The following SLC25A6 variants were observed in gnomAD, a reference collection of about 807,000 sequenced individuals.
The protein encoded by SLC25A6 is solute carrier family 25 member 6.
A neutral mutation model predicts 25.7 loss-of-function variants in SLC25A6; 9 were observed. That is an observed-to-expected ratio of 0.35 (90% confidence interval 0.21 to 0.61). SLC25A6 has a LOEUF of 0.61. SLC25A6 is among the 20% of genes least tolerant of loss of function. The probability of loss-of-function intolerance (pLI) is 0.76; values close to 1 mark genes in which losing one functional copy is unlikely to be tolerated. For missense variants in SLC25A6, 404 were observed against 440.5 expected, an observed-to-expected ratio of 0.92 and a Z score of 0.74; for synonymous variants, 223 against 197.0, an observed-to-expected ratio of 1.13 and a Z score of -1.11.
At chrX:1,387,250 C>A (rs1271062192) in intron 3 of SLC25A6, 29 bp downstream of exon 3, 4 of 1,607,120 alleles carry the variant, frequency 2.5e-6, no homozygotes. Context: ...CCCTTCCCGG[C>A]AGCAAGGGTC....
At chrX:1,389,820 A>G in intron 1 of SLC25A6, 93 bp from the exon 2 acceptor site, 2 of 1,545,484 alleles carry the variant, frequency 1.3e-6, no homozygotes, top group Non-Finnish European at 1.7e-6. Flanking sequence ...GACACAAGTC[A>G]CTCTTGTTGC....
Position 1,387,272 on chromosome X carries a change from C to A in SLC25A6, c.739+7G>T. The A allele has an allele frequency of 6.2e-7, 1 of 1,610,822 alleles. No homozygotes were observed. Among genetic ancestry groups the A allele is most frequent in the Non-Finnish European group, 8.5e-7 (1 of 1,178,524 alleles). ...CGGCAGCAAGGGTCCCCCGCCCCCC[C>A]GAGTACCTCCTTTGCGCCCGGACTG... On this transcript the variant is annotated splice_region_variant and intron_variant, in intron 3 of 3. Coordinates refer to ENST00000381401, the MANE Select transcript of SLC25A6 (RefSeq NM_001636.4).
chrX:1,386,610 CCTT>C lies in SLC25A6; in HGVS notation c.886_888del (p.Lys296del). ...GGAGGAGGCCGCGGCCCTTAGATCA[CCTT>C]CTTGAGCTCGTCGTACAGGACCAGC... is the stretch of plus-strand genomic sequence containing the variant. On this transcript the variant is annotated inframe_deletion, in exon 4 of 4. Coordinates refer to ENST00000381401, the MANE Select transcript of SLC25A6 (RefSeq NM_001636.4). The C allele has an allele frequency of 6.4e-7, 1 of 1,572,146 alleles. No individual in the cohort carries two copies. Among genetic ancestry groups the C allele is most frequent in the Non-Finnish European group, 8.6e-7 (1 of 1,161,180 alleles).
chrX:1,389,212 T>C (rs769077785), intron 2 of SLC25A6, 29 bp downstream of exon 2: 5 of 1,601,944 alleles, frequency 3.1e-6, no homozygotes, highest in Middle Eastern at 1.8e-4. Flanking sequence ...AGCCCGTCTC[T>C]GGGACTTCGC....
In SLC25A6 at chrX:1,389,503, G is replaced by A; in HGVS notation, c.336C>T (p.Tyr112=). The change falls in exon 2 of 4, where the codon TAC becomes TAT. Residue 112 remains tyrosine, a synonymous_variant. Transcript: ENST00000381401. ...CGCCGGAGGCCAGGTTGCCCGCAAA[G>A]TACCTCCAGAACTGCGTGTGCTTGT... ...GVDKHTQFWR[Y]FAGNLASGGA... is the part of the protein sequence containing the mutation. 2 of 1,614,174 alleles carry A rather than the reference G, an allele frequency of 1.2e-6. No homozygotes were observed. Among genetic ancestry groups the A allele is most frequent in the South Asian group, 2.2e-5 (2 of 91,088 alleles).
At chrX:1,387,157 C>T in intron 3 of SLC25A6, 122 bp downstream of exon 3, 1 of 1,250,650 alleles carries the variant, frequency 8.0e-7, no homozygotes, top group Non-Finnish European at 1.1e-6. Flanking sequence ...CTTTCGGACA[C>T]ACTTGCTTGT....
Position 1,391,990 on chromosome X carries a change from G to A in SLC25A6, c.20C>T (p.Ser7Phe), listed in dbSNP as rs780430035. The change falls in exon 1 of 4, where the codon TCC (serine) becomes TTC (phenylalanine). Residue 7 changes from serine (S) to phenylalanine (F), a missense_variant. Coordinates refer to ENST00000381401, the MANE Select transcript of SLC25A6 (RefSeq NM_001636.4). ...TCCGGCCAAGAAGTCTTTGGCGAAG[G>A]AGATGGCCTGTTCCGTCATGGTGGC... MTEQAISFAKDFLAGGI... is the reference protein window; with the variant it reads MTEQAIFFAKDFLAGGI... The A allele has an allele frequency of 4.4e-6, 7 of 1,608,640 alleles. No homozygotes were observed. Among genetic ancestry groups the A allele is most frequent in the Non-Finnish European group, 5.9e-6 (7 of 1,178,602 alleles).
At position 1,390,476 on chromosome X, in the gene SLC25A6, G is replaced by T. The variant is rs529417853; in HGVS notation, c.112-749C>A. On this transcript the variant is annotated intron_variant, in intron 1 of 3. Coordinates refer to ENST00000381401, the MANE Select transcript of SLC25A6 (RefSeq NM_001636.4). ...GGTGTGGTGGCAGGTGCCTGCTAGGGAGGCTGAGGCAGAATGGCGTGAACC... is the reference window on the plus strand; with the variant it reads ...GGTGTGGTGGCAGGTGCCTGCTAGGTAGGCTGAGGCAGAATGGCGTGAACC... 2.0e-4 allele frequency among the ~76,000 whole-genome samples: 30 copies of T among 152,078 alleles called. No homozygotes were observed. The South Asian group carries it at 6.2e-3, about 32-fold the overall frequency.
intron 1 of SLC25A6, 151 bp downstream of exon 1, chrX:1,391,748 G>T (rs1228212984): frequency 9.9e-5 from 59 of 595,932 alleles, no homozygotes; most frequent in Middle Eastern, 9.0e-4. Context: ...ACGTGACGCG[G>T]CCCCCGGAAG....
Position 1,386,395 on chromosome X carries a change from C to G in SLC25A6, c.*207G>C, listed in dbSNP as rs186286697. On this transcript the variant is annotated 3_prime_UTR_variant, in exon 4 of 4. Transcript: ENST00000381401. The stretch of plus-strand genomic sequence containing the variant: ...GGGACGCCACGGTTCCCTCCCACCC[C>G]GTGATCAAGACACGGAATCGGCTGC... 2 of 600,984 alleles carry G rather than the reference C, an allele frequency of 3.3e-6. No individual in the cohort carries two copies. Among genetic ancestry groups the G allele is most frequent in the East Asian group, 6.8e-5 (2 of 29,424 alleles). The allele number at this position is 600,984 out of a possible 1,614,324, so 37.2% of individuals were successfully genotyped here. A position where few individuals can be genotyped will look rare whatever the true frequency, so the allele number is the denominator to read the frequency against.
chrX:1,387,617 G>T (rs1460432129), intron 2 of SLC25A6, among the ~76,000 whole-genome samples, 198 bp from the exon 3 acceptor site: 1 of 152,164 alleles, frequency 6.6e-6, no homozygotes, highest in Admixed American at 6.5e-5. Context: ...AGGGGAAAAG[G>T]CCGCCTGCCA....
intron 1 of SLC25A6, among the ~76,000 whole-genome samples, chrX:1,391,631 T>A (rs1478985748): frequency 1.3e-5 from 2 of 152,228 alleles, no homozygotes; most frequent in African/African-American, 2.4e-5. Context: ...GGTCCGTCCA[T>A]GGGCCCTGCT....
chrX:1,390,577 CAAAA>C (rs760342805), intron 1 of SLC25A6, among the ~76,000 whole-genome samples: 8 of 113,506 alleles, frequency 7.0e-5, no homozygotes, highest in Middle Eastern at 5.0e-3. Context: ...GACTCCATCT[CAAAA>C]AAAAAAAAAA....
intron 2 of SLC25A6, among the ~76,000 whole-genome samples, chrX:1,388,453 C>G (rs371672681): frequency 4.0e-5 from 6 of 151,882 alleles, no homozygotes; most frequent in South Asian, 4.2e-4. Context: ...GGAACCAGCC[C>G]TGCCCACACC....
rs1371093583 is a variant in SLC25A6, at chrX:1,386,345, G to A, written c.*257C>T. On this transcript the variant is annotated 3_prime_UTR_variant, in exon 4 of 4. Transcript: ENST00000381401. ...CTGGACTCTAGGTCTCAGTACTGGA[G>A]TGTCTCACCCATGGGCCCCACGCAG... 8 of 449,400 alleles carry A rather than the reference G, an allele frequency of 1.8e-5. No homozygotes were observed. Among genetic ancestry groups the A allele is most frequent in the Non-Finnish European group, 3.1e-5 (8 of 258,714 alleles). The allele number at this position is 449,400 out of a possible 1,614,324, so 27.8% of individuals were successfully genotyped here. A position where few individuals can be genotyped will look rare whatever the true frequency, so the allele number is the denominator to read the frequency against.
In SLC25A6 at chrX:1,389,413, T is replaced by A. The variant is rs778224257; in HGVS notation, c.426A>T (p.Ala142=). ...CTGTGCCTGACTTTCCCACGTCCGCTGCCAGGCGGGTTCTGGCGAAATCCA... is the reference window on the plus strand; with the variant it reads ...CTGTGCCTGACTTTCCCACGTCCGCAGCCAGGCGGGTTCTGGCGAAATCCA... The part of the protein sequence containing the change: ...YPLDFARTRL[A]ADVGKSGTER... Residue 142 remains alanine, a synonymous_variant, in exon 2 of 4, where the codon GCA becomes GCT. Coordinates refer to ENST00000381401, the MANE Select transcript of SLC25A6 (RefSeq NM_001636.4). 3.1e-6 allele frequency: 5 copies of A among 1,613,782 alleles called. No homozygotes were observed. The East Asian group carries it at 1.1e-4, about 36-fold the overall frequency.
intron 2 of SLC25A6, among the ~76,000 whole-genome samples, chrX:1,388,225 C>T (rs1246654332): frequency 3.7e-5 from 5 of 134,580 alleles, no homozygotes; most frequent in Admixed American, 2.3e-4. Flanking sequence ...AGCCCTGCCC[C>T]ACACCTTGAT....
rs1432534256 is a variant in SLC25A6, at chrX:1,386,490, G to C, written c.*112C>G. The stretch of plus-strand genomic sequence containing the variant: ...GCCATCTACAGGCAGGATGCGGCTG[G>C]GAAAAAGACAACTGGAATTTCTCGA... On this transcript the variant is annotated 3_prime_UTR_variant, in exon 4 of 4. Transcript: ENST00000381401. 3.0e-6 allele frequency: 4 copies of C among 1,325,944 alleles called. No individual in the cohort carries two copies. The highest frequency in any genetic ancestry group is 3.9e-6 in the Non-Finnish European group (4 of 1,015,484). 82.1% of individuals were successfully genotyped at this position (1,325,944 alleles called of 1,614,324 possible). A position where few individuals can be genotyped will look rare whatever the true frequency, so the allele number is the denominator to read the frequency against.
rs186286697 is a variant in SLC25A6 at position 1,386,395 on chromosome X, C to T, written c.*207G>A. 10 of 601,100 alleles carry T rather than the reference C, an allele frequency of 1.7e-5. No homozygotes were observed. The highest frequency in any genetic ancestry group is 2.3e-5 in the Non-Finnish European group (9 of 384,346). The allele number at this position is 601,100 out of a possible 1,614,324, so 37.2% of individuals were successfully genotyped here. On this transcript the variant is annotated 3_prime_UTR_variant, in exon 4 of 4. Coordinates refer to ENST00000381401, the MANE Select transcript of SLC25A6 (RefSeq NM_001636.4). ...GGGACGCCACGGTTCCCTCCCACCCCGTGATCAAGACACGGAATCGGCTGC... is the reference window on the plus strand; with the variant it reads ...GGGACGCCACGGTTCCCTCCCACCCTGTGATCAAGACACGGAATCGGCTGC...
Sources: gnomAD v4.1 joint callset for allele counts (sites outside exome capture counted in the v4.1 genomes callset) on GRCh38, gnomAD v4.1.1 for gene constraint, MANE v1.5 for transcripts, NCBI Gene and HGNC (gene_info 2026-07-23, HGNC 2026-07-21) for gene names.